The following B3GNT3 variants were observed in gnomAD, a reference collection of about 807,000 sequenced individuals.
B3GNT3 encodes UDP-GlcNAc:betaGal beta-1,3-N-acetylglucosaminyltransferase 3.
Under a neutral mutation model 11.6 loss-of-function variants are expected in B3GNT3, and 7 were observed. The ratio of observed to expected loss-of-function variants is 0.60; its 90% CI spans 0.34 to 1.13. The LOEUF is 1.13. Ranked by LOEUF, B3GNT3 falls within the 50% of genes most tolerant of loss-of-function variation. The probability of loss-of-function intolerance (pLI) is 0.03; values close to 1 mark genes in which losing one functional copy is unlikely to be tolerated. For missense variants in B3GNT3, 400 were observed against 507.4 expected (o/e 0.79, Z 2.03); for synonymous variants, 201 against 222.1 (o/e 0.90, Z 0.85).
At chr19:17,804,387 G>A (rs1399944810) in intron 1 of B3GNT3, among the ~76,000 whole-genome samples, 1 of 150,040 alleles carries the variant, frequency 6.7e-6, no homozygotes, top group Non-Finnish European at 1.5e-5. Context: ...TTACAGACAC[G>A]CACCACCACA....
At chr19:17,802,853 C>G (rs1195534565) in intron 1 of B3GNT3, among the ~76,000 whole-genome samples, 1 of 150,632 alleles carries the variant, frequency 6.6e-6, no homozygotes, top group Non-Finnish European at 1.5e-5. Context: ...AATTTTTTTA[C>G]TTTTTTTTTT....
rs1292527784 is a variant in B3GNT3 at position 17,795,164 on chromosome 19, AGAG to A, written c.-89_-87del. The stretch of plus-strand genomic sequence containing the variant: ...AACTCTTTCTTCGGCTCGCGAGCTG[AGAG>A]GAGCAGGTAGAGGGGCAGAGGCGGG... On this transcript the variant is annotated 5_prime_UTR_variant, in exon 1 of 3. Coordinates refer to ENST00000318683, the MANE Select transcript of B3GNT3 (RefSeq NM_014256.4). The A allele has an allele frequency of 6.6e-6, 1 of 151,948 alleles. No individual in the cohort carries two copies. Among genetic ancestry groups the A allele is most frequent in the Non-Finnish European group, 1.5e-5 (1 of 68,144 alleles). 9.4% of individuals were successfully genotyped at this position (151,948 alleles called of 1,614,324 possible).
At chr19:17,799,765 G>A (rs2094163759) in intron 1 of B3GNT3, among the ~76,000 whole-genome samples, 2 of 148,832 alleles carry the variant, frequency 1.3e-5, no homozygotes, top group South Asian at 2.1e-4. Flanking sequence ...GAGAGCCAGC[G>A]ACCAGGCTGG....
chr19:17,798,354 T>C (rs753203712), intron 1 of B3GNT3, among the ~76,000 whole-genome samples: 16 of 152,094 alleles, frequency 1.1e-4, no homozygotes, highest in Non-Finnish European at 2.2e-4. Flanking sequence ...CTGCAGGTGA[T>C]AAGGGTGGTG....
chr19:17,799,011 A>G (rs1484635919), intron 1 of B3GNT3, among the ~76,000 whole-genome samples: 1 of 152,128 alleles, frequency 6.6e-6, no homozygotes, highest in African/African-American at 2.4e-5. Context: ...GGCGCTTCAC[A>G]TATGTGCCAC....
intron 1 of B3GNT3, among the ~76,000 whole-genome samples, chr19:17,807,128 G>GTGTGTGTGTGTGTGTGTGTA (rs1229781432): frequency 2.7e-5 from 4 of 150,072 alleles, no homozygotes; most frequent in African/African-American, 4.9e-5. Context: ...GTGTGTGTGT[G>GTGTGTGTGTGTGTGTGTGTA]TGTGTGTGTG....
intron 1 of B3GNT3, among the ~76,000 whole-genome samples, chr19:17,798,586 G>C (rs539683684): frequency 3.9e-5 from 6 of 151,966 alleles, no homozygotes; most frequent in African/African-American, 1.4e-4. Context: ...CAGGAGAATC[G>C]CTTGAACCCT....
chr19:17,798,886 G>A (rs1232140386), intron 1 of B3GNT3, among the ~76,000 whole-genome samples: 2 of 151,930 alleles, frequency 1.3e-5, no homozygotes, highest in Non-Finnish European at 2.9e-5. Flanking sequence ...AAGAGGATCA[G>A]TTGAGCCCTG....
At chr19:17,795,410 G>A (rs1163690754) in intron 1 of B3GNT3, among the ~76,000 whole-genome samples, 1 of 152,218 alleles carries the variant, frequency 6.6e-6, no homozygotes, top group Non-Finnish European at 1.5e-5. Context: ...AGGCCAGCTC[G>A]GACCTGGGTC....
chr19:17,813,478 T>C lies in B3GNT3; in HGVS notation c.*1356T>C, dbSNP rs2094183789. On this transcript the variant is annotated 3_prime_UTR_variant, in exon 3 of 3. Transcript: ENST00000318683. Reference sequence around the variant, plus strand: ...AACAGGACATGTGTGAGGCAAAAGCTGCAGGAATTTCTATCAGGCAGATCT... The same window carrying C: ...AACAGGACATGTGTGAGGCAAAAGCCGCAGGAATTTCTATCAGGCAGATCT... Among the ~76,000 whole-genome samples, 1 of 152,056 alleles carries C rather than the reference T, an allele frequency of 6.6e-6. No homozygotes were observed. The highest frequency in any genetic ancestry group is 1.5e-5 in the Non-Finnish European group (1 of 68,018).
chr19:17,800,101 G>C lies in B3GNT3; in HGVS notation c.-51+4895G>C, dbSNP rs979842205. ...GACAAGAACAGGGTTGAGACTGGGC[G>C]CAGTGGCTCACTCCTGTAATCCCAG... On this transcript the variant is annotated intron_variant, in intron 1 of 2. Transcript: ENST00000318683. Among the ~76,000 whole-genome samples the C allele has an allele frequency of 2.6e-5, 4 of 152,078 alleles. No individual in the cohort carries two copies. The South Asian group carries it at 8.3e-4, about 32-fold the overall frequency.
At chr19:17,798,564 T>C (rs1023554078) in intron 1 of B3GNT3, among the ~76,000 whole-genome samples, 2 of 151,820 alleles carry the variant, frequency 1.3e-5, no homozygotes, top group Non-Finnish European at 2.9e-5. Flanking sequence ...CCAGCTTCTC[T>C]GGAGGCTGAG....
In B3GNT3 at chr19:17,811,496, T is replaced by C; in HGVS notation, c.568-75T>C. ...ACTTCCTTTCCTGGGCTTAGTGGGC[T>C]GGAGTGGCTAATAGAGACCCAAGGC... is the stretch of plus-strand genomic sequence containing the variant. On this transcript the variant is annotated intron_variant, in intron 2 of 2. Transcript: ENST00000318683. The surrounding 1 kb of genome is among the most constrained non-coding windows in gnomAD (Gnocchi z 4.1). 7.0e-7 allele frequency: 1 copy of C among 1,423,838 alleles called. No homozygotes were observed. Among genetic ancestry groups the C allele is most frequent in the Non-Finnish European group, 9.5e-7 (1 of 1,056,534 alleles). 88.2% of individuals were successfully genotyped at this position (1,423,838 alleles called of 1,614,324 possible). A position where few individuals can be genotyped will look rare whatever the true frequency, so the allele number is the denominator to read the frequency against.
At chr19:17,806,611 T>G (rs1009576655) in intron 1 of B3GNT3, among the ~76,000 whole-genome samples, 1 of 152,102 alleles carries the variant, frequency 6.6e-6, no homozygotes, top group African/African-American at 2.4e-5. Context: ...AGTCTCCCAG[T>G]GACCCCGAGT....
At chr19:17,797,344 T>C (rs12610040) in intron 1 of B3GNT3, among the ~76,000 whole-genome samples, 28,622 of 152,046 alleles carry the variant, frequency 0.19, 2,975 homozygotes, top group African/African-American at 0.27. Flanking sequence ...AGCCTGAAGG[T>C]GTGGGGGTCC....
intron 1 of B3GNT3, among the ~76,000 whole-genome samples, chr19:17,801,489 G>GT (rs1052953068): frequency 4.1e-5 from 6 of 144,960 alleles, no homozygotes; most frequent in Admixed American, 1.4e-4. Context: ...GCTGTTTTTT[G>GT]TTTTTTTGTT....
chr19:17,802,082 T>G (rs1320379470), intron 1 of B3GNT3, among the ~76,000 whole-genome samples: 1 of 150,100 alleles, frequency 6.7e-6, no homozygotes, highest in Non-Finnish European at 1.5e-5. Context: ...AGCAAGATTC[T>G]GTCTCCAAAA....
intron 1 of B3GNT3, among the ~76,000 whole-genome samples, chr19:17,797,574 C>T (rs1274142919): frequency 2.0e-5 from 3 of 152,132 alleles, no homozygotes; most frequent in Non-Finnish European, 4.4e-5. Flanking sequence ...CCAGGCAGTT[C>T]CTGCAATGGG....
rs756015682 is a variant in B3GNT3 at position 17,811,706 on chromosome 19, G to T, written c.703G>T (p.Val235Leu). Residue 235 changes from valine to leucine, a missense_variant, in exon 3 of 3, where the codon GTG (valine) becomes TTG (leucine). Val to Leu is a conservative substitution (Grantham distance 32, BLOSUM62 1). Transcript: ENST00000318683. This position sits in a 1 kb window ranked among gnomAD's most constrained non-coding sequence, Gnocchi z 4.1. ...QDHDPGRHLF[V>L]GQLIQNVGPI... ...CCATGACCCTGGCCGCCACCTCTTC[G>T]TGGGGCAACTGATCCAAAACGTGGG... 6.2e-7 allele frequency: 1 copy of T among 1,614,092 alleles called. No individual in the cohort carries two copies. Among genetic ancestry groups the T allele is most frequent in the Non-Finnish European group, 8.5e-7 (1 of 1,180,056 alleles).
Sources: gnomAD v4.1 joint callset for allele counts (sites outside exome capture counted in the v4.1 genomes callset) on GRCh38, gnomAD v4.1.1 for gene constraint, Gnocchi (gnomAD v3.1) non-coding constraint, MANE v1.5 for transcripts, NCBI Gene and HGNC (gene_info 2026-07-23, HGNC 2026-07-21) for gene names.